ZNF341: variants seen among roughly 807,000 people sequenced by gnomAD.
The protein encoded by ZNF341 is zinc finger protein 341.
ZNF341 carries 52 observed loss-of-function variants against 87.7 expected under a neutral mutation model. That is an observed-to-expected ratio of 0.59 (90% CI 0.47 to 0.75). The LOEUF is 0.75. Among genes scored for constraint, ZNF341 ranks in the 30% least tolerant of loss-of-function variants. The probability of loss-of-function intolerance (pLI) is 0.00; values close to 1 mark genes in which losing one functional copy is unlikely to be tolerated. For missense variants in ZNF341, 977 were observed against 1,145.9 expected, an observed-to-expected ratio of 0.85 and a Z score of 2.13; for synonymous variants, 459 against 472.7, an observed-to-expected ratio of 0.97 and a Z score of 0.38.
At chr20:33,759,071 A>G (rs1463563181) in intron 7 of ZNF341, among the ~76,000 whole-genome samples, 3 of 152,190 alleles carry the variant, frequency 2.0e-5, no homozygotes, top group African/African-American at 7.2e-5. Flanking sequence ...CTGAACCCAG[A>G]GGGGTTTCAC....
At chr20:33,758,877 C>T in intron 7 of ZNF341, 71 bp downstream of exon 7, 1 of 1,357,262 alleles carries the variant, frequency 7.4e-7, no homozygotes. Flanking sequence ...GGAAGCGAGA[C>T]TCCCTTCTCA....
At chr20:33,764,557 A>T (rs1347037459) in intron 8 of ZNF341, among the ~76,000 whole-genome samples, 5 of 56,070 alleles carry the variant, frequency 8.9e-5, no homozygotes, top group East Asian at 5.6e-3. Context: ...ATATATATAT[A>T]TATATTTTTT....
intron 12 of ZNF341, among the ~76,000 whole-genome samples, chr20:33,785,141 G>A (rs768885332): frequency 1.1e-3 from 170 of 152,016 alleles, no homozygotes; most frequent in Non-Finnish European, 2.1e-3. Flanking sequence ...AATCCTTGAC[G>A]GGACAAAAGC....
At chr20:33,790,081 T>G (rs1218183230) in intron 14 of ZNF341, among the ~76,000 whole-genome samples, 2 of 151,874 alleles carry the variant, frequency 1.3e-5, no homozygotes, top group East Asian at 1.9e-4. Context: ...AATTTTTTTT[T>G]TTTTTTTTTG....
At chr20:33,771,753 C>T (rs998254563) in intron 10 of ZNF341, among the ~76,000 whole-genome samples, 67 of 151,844 alleles carry the variant, frequency 4.4e-4, no homozygotes, top group African/African-American at 1.4e-3. Context: ...CAGTGGCTCA[C>T]GCCTATAATC....
chr20:33,771,403 G>A (rs891681486), intron 10 of ZNF341, among the ~76,000 whole-genome samples: 1 of 151,636 alleles, frequency 6.6e-6, no homozygotes, highest in Non-Finnish European at 1.5e-5. Flanking sequence ...TGTGCCCCAC[G>A]CCCAGCTAAT....
intron 11 of ZNF341, among the ~76,000 whole-genome samples, chr20:33,782,983 C>T (rs193201873): frequency 3.1e-4 from 47 of 152,146 alleles, no homozygotes; most frequent in Admixed American, 2.5e-3. Context: ...TGGAGAAACC[C>T]TGTCTCTACT....
rs368240310 is a variant in ZNF341, at chr20:33,791,493, C to T, written c.2541C>T (p.Pro847=). 20 of 1,573,706 alleles carry T rather than the reference C, an allele frequency of 1.3e-5. No homozygotes were observed. The highest frequency in any genetic ancestry group is 8.6e-5 in the Admixed American group (5 of 58,040). The change falls in exon 15 of 15, where the codon CCC becomes CCT. Residue 847 remains proline, a synonymous_variant. Transcript: ENST00000375200. ...AEGPCAMLAV[P]VYIQASE ...GCCCATGTGCCATGCTCGCTGTGCC[C>T]GTCTACATCCAGGCCTCCGAGTGAC...
At chr20:33,780,446 C>A (rs536732770) in intron 10 of ZNF341, among the ~76,000 whole-genome samples, 1 of 152,008 alleles carries the variant, frequency 6.6e-6, no homozygotes, top group Non-Finnish European at 1.5e-5. Context: ...CTCACTCTGC[C>A]GCCCAGGCTG....
chr20:33,739,376 G>C (rs75487223), intron 1 of ZNF341, among the ~76,000 whole-genome samples: 3,185 of 152,330 alleles, frequency 0.021, 108 homozygotes, highest in African/African-American at 0.072. Context: ...TGGGGTCATA[G>C]AGAGGAGGCA....
intron 11 of ZNF341, among the ~76,000 whole-genome samples, chr20:33,782,898 G>A (rs1172582804): frequency 1.3e-5 from 2 of 152,208 alleles, no homozygotes; most frequent in Non-Finnish European, 2.9e-5. Flanking sequence ...GTGGGCGCCT[G>A]TAATCCCAGC....
Position 33,756,371 on chromosome 20 carries a change from T to C in ZNF341, c.742-777T>C, listed in dbSNP as rs1245181608. On this transcript the variant is annotated intron_variant, in intron 5 of 14. Coordinates refer to ENST00000375200, the MANE Select transcript of ZNF341 (RefSeq NM_001282933.2). ...GACTTCCTGGTTCTCTCTCTCTCTT[T>C]TTTTTTTTTTTTTGAGACAGAGTCT... is the stretch of plus-strand genomic sequence containing the variant. Among the ~76,000 whole-genome samples the C allele has an allele frequency of 6.5e-4, 97 of 148,608 alleles. 1 individual carries two copies. Among genetic ancestry groups the C allele is most frequent in the African/African-American group, 2.3e-3 (94 of 40,704 alleles).
chr20:33,738,020 C>A (rs1202315258), intron 1 of ZNF341, among the ~76,000 whole-genome samples: 2 of 151,658 alleles, frequency 1.3e-5, no homozygotes, highest in African/African-American at 4.9e-5. Context: ...GCCTATAATC[C>A]CAGCTACTCG....
chr20:33,770,027 G>A, intron 9 of ZNF341, 57 bp from the exon 10 acceptor site: 1 of 1,236,208 alleles, frequency 8.1e-7, no homozygotes. Context: ...CAGGCCAGGG[G>A]CTGCAGTGGA....
At chr20:33,742,475 G>A (rs568054761) in intron 2 of ZNF341, among the ~76,000 whole-genome samples, 258 of 151,680 alleles carry the variant, frequency 1.7e-3, no homozygotes, top group African/African-American at 6.0e-3. Flanking sequence ...GATTGCAGGC[G>A]TGAGCCACAC....
chr20:33,744,665 C>T (rs567940014), intron 2 of ZNF341, among the ~76,000 whole-genome samples: 1 of 152,260 alleles, frequency 6.6e-6, no homozygotes, highest in African/African-American at 2.4e-5. Flanking sequence ...GATCTGGGCT[C>T]ACTGCAACCT....
chr20:33,775,904 T>C (rs916448003), intron 10 of ZNF341, among the ~76,000 whole-genome samples: 6 of 151,644 alleles, frequency 4.0e-5, no homozygotes, highest in Non-Finnish European at 8.8e-5. Context: ...CTTGCTATAT[T>C]GCCCAGGCTG....
rs764245023 is a variant in ZNF341 at position 33,766,840 on chromosome 20, T to C, written c.1223-11T>C. Reference sequence around the variant, plus strand: ...GGCTCCTTGTCCTGACTTCCCTGGCTTTCTCCACAGGGTTGGGCCAGCCCC... The same window carrying C: ...GGCTCCTTGTCCTGACTTCCCTGGCCTTCTCCACAGGGTTGGGCCAGCCCC... On this transcript the variant is annotated splice_polypyrimidine_tract_variant and intron_variant, in intron 8 of 14. Coordinates refer to ENST00000375200, the MANE Select transcript of ZNF341 (RefSeq NM_001282933.2). 6.3e-7 allele frequency: 1 copy of C among 1,593,390 alleles called. No homozygotes were observed. The highest frequency in any genetic ancestry group is 8.6e-7 in the Non-Finnish European group (1 of 1,167,968).
intron 1 of ZNF341, among the ~76,000 whole-genome samples, chr20:33,734,343 A>G (rs1292457049): frequency 2.0e-5 from 3 of 152,136 alleles, no homozygotes; most frequent in Non-Finnish European, 4.4e-5. Context: ...GAGCAGCACA[A>G]TGTGATGTAT....
Sources: gnomAD v4.1 joint callset for allele counts (sites outside exome capture counted in the v4.1 genomes callset) on GRCh38, gnomAD v4.1.1 for gene constraint, MANE v1.5 for transcripts, NCBI Gene and HGNC (gene_info 2026-07-23, HGNC 2026-07-21) for gene names.